The following LRRC4C variants were observed in gnomAD, a reference collection of about 807,000 sequenced individuals.
The protein encoded by LRRC4C is leucine-rich repeat-containing protein 4C.
A neutral mutation model predicts 33.6 loss-of-function variants in LRRC4C; 5 were observed. The observed-to-expected ratio is 0.15, with a 90% CI of 0.08 to 0.31. The LOEUF (loss-of-function observed/expected upper bound fraction) is 0.31, where lower values mean the gene tolerates loss of function less well. Among genes scored for constraint, LRRC4C ranks in the 10% least tolerant of loss-of-function variants. LRRC4C has a pLI of 1.00. For synonymous variants in LRRC4C, 329 were observed against 302.0 expected, an observed-to-expected ratio of 1.09 and a Z score of -0.93; for missense variants, 560 against 796.7, an observed-to-expected ratio of 0.70 and a Z score of 3.58.
Position 40,465,217 on chromosome 11 carries a change from C to T in LRRC4C, c.-269-145496G>A, listed in dbSNP as rs148952530. 1.5e-4 allele frequency among the ~76,000 whole-genome samples: 23 copies of T among 152,054 alleles called. No homozygotes were observed. The East Asian group carries it at 4.3e-3, about 28-fold the overall frequency. The stretch of plus-strand genomic sequence containing the variant: ...AAAAACATACTCTCAAGAAAGAAAA[C>T]CCCGTTCAATAAATGGTGCTGGGAA... On this transcript the variant is annotated intron_variant, in intron 3 of 6. Transcript: ENST00000528697.
At chr11:41,127,043 A>G (rs1273747788) in intron 1 of LRRC4C, among the ~76,000 whole-genome samples, 1 of 152,196 alleles carries the variant, frequency 6.6e-6, no homozygotes, top group African/African-American at 2.4e-5. Context: ...TCCATCTAAT[A>G]CACTTTGAAC....
chr11:40,673,991 C>A (rs1234607877), intron 2 of LRRC4C, among the ~76,000 whole-genome samples: 1 of 152,198 alleles, frequency 6.6e-6, no homozygotes, highest in Non-Finnish European at 1.5e-5. Flanking sequence ...CCAGCAGTTA[C>A]CTCAATGCTC....
chr11:41,056,862 A>G (rs1274165824), intron 1 of LRRC4C, among the ~76,000 whole-genome samples: 3 of 152,218 alleles, frequency 2.0e-5, no homozygotes, highest in African/African-American at 4.8e-5. Flanking sequence ...ACCAGCTGCT[A>G]CAAGGAAGCT....
intron 3 of LRRC4C, among the ~76,000 whole-genome samples, chr11:40,644,715 AC>A (rs1250013317): frequency 6.6e-6 from 1 of 152,230 alleles, no homozygotes; most frequent in African/African-American, 2.4e-5. Flanking sequence ...TGACAAAGTT[AC>A]GGAAATAGAG....
At chr11:40,408,466 T>C (rs1283326086) in intron 3 of LRRC4C, among the ~76,000 whole-genome samples, 1 of 151,956 alleles carries the variant, frequency 6.6e-6, no homozygotes. Flanking sequence ...ATTTATATGC[T>C]ACCTCACTTG....
At chr11:40,899,152 TTGCC>T (rs1956099519) in intron 2 of LRRC4C, among the ~76,000 whole-genome samples, 1 of 152,168 alleles carries the variant, frequency 6.6e-6, no homozygotes, top group Non-Finnish European at 1.5e-5. Flanking sequence ...ATTCCAAGTA[TTGCC>T]ATTTATAAAT....
At chr11:40,610,789 C>G (rs1961139280) in intron 3 of LRRC4C, among the ~76,000 whole-genome samples, 1 of 151,588 alleles carries the variant, frequency 6.6e-6, no homozygotes, top group Admixed American at 6.6e-5. Flanking sequence ...TTAAAAATAA[C>G]AAAATGCTTA....
chr11:41,339,405 T>C (rs887029503), intron 1 of LRRC4C, among the ~76,000 whole-genome samples: 13 of 152,306 alleles, frequency 8.5e-5, no homozygotes, highest in African/African-American at 2.9e-4. Flanking sequence ...ATAACTTTCA[T>C]GTAACTCTTA....
At chr11:41,392,701 A>G (rs1377251999) in intron 1 of LRRC4C, among the ~76,000 whole-genome samples, 1 of 151,090 alleles carries the variant, frequency 6.6e-6, no homozygotes, top group African/African-American at 2.4e-5. Flanking sequence ...TCCTTATGAA[A>G]AGGTCATTTA....
chr11:40,817,842 C>T (rs1277869231), intron 2 of LRRC4C, among the ~76,000 whole-genome samples: 2 of 152,112 alleles, frequency 1.3e-5, no homozygotes, highest in Non-Finnish European at 2.9e-5. Flanking sequence ...TTTATCATAA[C>T]AATACTTATA....
intron 2 of LRRC4C, among the ~76,000 whole-genome samples, chr11:40,895,071 C>T (rs1433300973): frequency 2.0e-5 from 3 of 151,836 alleles, no homozygotes; most frequent in Non-Finnish European, 4.4e-5. Context: ...ATTTATTGGT[C>T]ACTCTTGTTA....
At chr11:41,241,393 T>G (rs1332582603) in intron 1 of LRRC4C, among the ~76,000 whole-genome samples, 1 of 151,982 alleles carries the variant, frequency 6.6e-6, no homozygotes, top group Non-Finnish European at 1.5e-5. Flanking sequence ...ATGCTGAGTG[T>G]GGGAAATGTT....
intron 1 of LRRC4C, among the ~76,000 whole-genome samples, chr11:41,273,677 C>T (rs1949390081): frequency 1.3e-5 from 2 of 152,054 alleles, no homozygotes; most frequent in Non-Finnish European, 2.9e-5. Flanking sequence ...GTACATAGTG[C>T]CTACAGTTCG....
chr11:40,235,869 C>T (rs1359621510), intron 5 of LRRC4C, among the ~76,000 whole-genome samples: 1 of 151,998 alleles, frequency 6.6e-6, no homozygotes, highest in East Asian at 1.9e-4. Context: ...ATTTGCATGG[C>T]CTTATTATTA....
At chr11:41,217,489 G>C (rs986780862) in intron 1 of LRRC4C, among the ~76,000 whole-genome samples, 2 of 152,110 alleles carry the variant, frequency 1.3e-5, no homozygotes, top group Non-Finnish European at 2.9e-5. Flanking sequence ...ACAAATCCCT[G>C]CTTTTCAATA....
chr11:40,134,474 GC>G (rs1157848728), intron 6 of LRRC4C, among the ~76,000 whole-genome samples: 1 of 152,070 alleles, frequency 6.6e-6, no homozygotes, highest in East Asian at 1.9e-4. Context: ...GGAGATATAA[GC>G]AAAACTCTAA....
intron 1 of LRRC4C, among the ~76,000 whole-genome samples, chr11:41,101,358 A>T (rs1941167887): frequency 1.3e-5 from 2 of 152,204 alleles, no homozygotes; most frequent in South Asian, 4.1e-4. Flanking sequence ...GATACTTCTC[A>T]AAAGGAGATA....
chr11:40,298,308 C>A, intron 4 of LRRC4C, among the ~76,000 whole-genome samples: 1 of 151,502 alleles, frequency 6.6e-6, no homozygotes, highest in East Asian at 1.9e-4. Context: ...TATTATTTCT[C>A]ATGACTCTAA....
At position 40,627,276 on chromosome 11, in the gene LRRC4C, C is replaced by CGAGAGA. The variant is rs10649436; in HGVS notation, c.-270+20860_-270+20865dup. On this transcript the variant is annotated intron_variant, in intron 3 of 6. Coordinates refer to ENST00000528697, the MANE Select transcript of LRRC4C (RefSeq NM_001258419.2). ...ATTAGAGAGAGAGAGAGAGAGAGAG[C>CGAGAGA]GAGAGAGAGAGAGAGAATAAAAGTC... Among the ~76,000 whole-genome samples, 812 of 146,484 alleles carry CGAGAGA rather than the reference C, an allele frequency of 5.5e-3. 7 individuals are homozygous for CGAGAGA. The highest frequency in any genetic ancestry group is 0.017 in the African/African-American group (669 of 39,452).
Sources: allele counts gnomAD v4.1 joint callset (sites outside exome capture counted in the v4.1 genomes callset), GRCh38; gene constraint gnomAD v4.1.1; transcripts MANE v1.5; gene names NCBI Gene and HGNC (gene_info 2026-07-23, HGNC 2026-07-21).